The following NEB variants were observed in gnomAD, a reference collection of about 807,000 sequenced individuals.
The protein encoded by NEB is nemaline myopathy type 2.
Under a neutral mutation model 952.2 loss-of-function variants are expected in NEB, and 512 were observed. The observed-to-expected ratio is 0.54, with a 90% CI of 0.50 to 0.58. The LOEUF is 0.58. Ranked by LOEUF, NEB falls within the 20% of genes least tolerant of loss-of-function variation. The pLI is 0.00. For missense variants in NEB, 8,428 were observed against 9,231.1 expected (o/e 0.91, Z 3.56); for synonymous variants, 2,900 against 3,149.8 (o/e 0.92, Z 2.66).
At chr2:151,487,421 A>G (rs2051688405) in intron 181 of NEB, among the ~76,000 whole-genome samples, 1 of 152,204 alleles carries the variant, frequency 6.6e-6, no homozygotes, top group South Asian at 2.1e-4. Context: ...CATATATTCA[A>G]ATTCACAAAT....
At chr2:151,721,256 T>G (rs1164568235) in intron 9 of NEB, among the ~76,000 whole-genome samples, 1 of 152,246 alleles carries the variant, frequency 6.6e-6, no homozygotes. Context: ...GATTCTATTT[T>G]TATCATGCTG....
intron 20 of NEB, 46 bp from the exon 21 acceptor site, chr2:151,692,408 T>C: frequency 7.2e-7 from 1 of 1,388,756 alleles, no homozygotes; most frequent in South Asian, 1.2e-5. Context: ...GAAATATATA[T>C]CTCATAAAGT....
intron 40 of NEB, among the ~76,000 whole-genome samples, chr2:151,667,486 C>A (rs1444982413): frequency 6.6e-6 from 1 of 151,922 alleles, no homozygotes; most frequent in African/African-American, 2.4e-5. Flanking sequence ...ATTATAATTT[C>A]TTTACTTGCT....
intron 4 of NEB, among the ~76,000 whole-genome samples, chr2:151,729,168 A>T (rs1199541546): frequency 6.6e-6 from 1 of 152,140 alleles, no homozygotes; most frequent in East Asian, 1.9e-4. Context: ...ATCATCAGGG[A>T]CGAAGCCCTG....
intron 9 of NEB, 128 bp from the exon 10 acceptor site, chr2:151,717,648 G>T: frequency 1.4e-6 from 1 of 697,844 alleles, no homozygotes; most frequent in Non-Finnish European, 2.5e-6. Context: ...TCTCAGTACT[G>T]CTAGTGATTT....
At position 151,729,679 on chromosome 2, in the gene NEB, T is replaced by C. The variant is rs77846253; in HGVS notation, c.37-23A>G. 4,548 of 1,612,942 alleles carry C rather than the reference T, an allele frequency of 2.8e-3. 98 individuals carry two copies. The East Asian group carries it at 0.056, about 20-fold the overall frequency. ...GTACTGTAAATAGAGCACAAAGGCA[T>C]TGGCAAGAGAACCAAAGCAGAAACC... is the stretch of plus-strand genomic sequence containing the variant. On this transcript the variant is annotated intron_variant, in intron 3 of 181. Coordinates refer to ENST00000397345, the MANE Select transcript of NEB (RefSeq NM_001164508.2).
At chr2:151,657,142 A>G (rs2099094120) in intron 48 of NEB, among the ~76,000 whole-genome samples, 1 of 152,132 alleles carries the variant, frequency 6.6e-6, no homozygotes, top group South Asian at 2.1e-4. Context: ...TTGGGGGTAG[A>G]AGCTAGTAGA....
intron 9 of NEB, among the ~76,000 whole-genome samples, chr2:151,722,542 A>ATTGT (rs896257440): frequency 3.9e-5 from 6 of 152,046 alleles, no homozygotes; most frequent in African/African-American, 9.6e-5. Flanking sequence ...TGGTGTGGTC[A>ATTGT]TTGTTTGTTT....
chr2:151,696,854 A>G, intron 16 of NEB, 119 bp from the exon 17 acceptor site: 2 of 731,200 alleles, frequency 2.7e-6, no homozygotes, highest in South Asian at 3.9e-5. Context: ...AGTTAATAAA[A>G]TATATTTTTT....
At position 151,609,982 on chromosome 2, in the gene NEB, T is replaced by C. The variant is rs981387691; in HGVS notation, c.12157A>G (p.Lys4053Glu). 1 of 1,613,992 alleles carries C rather than the reference T, an allele frequency of 6.2e-7. No homozygotes were observed. The highest frequency in any genetic ancestry group is 1.1e-5 in the South Asian group (1 of 91,088). ...GGGCTAGAGAACTTGGTTTTCCACT[T>C]TTGGAATTCCTTCTTGTACTCCCTT... The part of the protein sequence containing the change: ...SEREYKKEFQ[K>E]WKTKFSSPVD... Residue 4053 changes from lysine to glutamate, a missense_variant, in exon 81 of 182, where the codon AAG becomes GAG. By Grantham distance (56) the Lys-to-Glu change is moderately conservative. This residue lies in a region of NEB where 337 missense variants were observed against 297.5 expected (regional missense o/e 1.13). Coordinates refer to ENST00000397345, the MANE Select transcript of NEB (RefSeq NM_001164508.2).
In NEB at chr2:151,562,630, G is replaced by A; in HGVS notation, c.18872C>T (p.Ala6291Val). The change falls in exon 120 of 182, where the codon GCC becomes GTC. Residue 6291 changes from alanine (A) to valine (V), a missense_variant. Transcript: ENST00000397345. ...TCATACATCACTCAAGATCTCCTGGGCGTTTCGGACGCGTATAACATTGGG... is the reference window on the plus strand; with the variant it reads ...TCATACATCACTCAAGATCTCCTGGACGTTTCGGACGCGTATAACATTGGG... ...EEPNVIRVRNAQEILSDNVYK... is the reference protein window; with the variant it reads ...EEPNVIRVRNVQEILSDNVYK... The A allele has an allele frequency of 1.3e-6, 2 of 1,579,022 alleles. No homozygotes were observed. The highest frequency in any genetic ancestry group is 1.7e-6 in the Non-Finnish European group (2 of 1,154,170).
chr2:151,721,773 T>C (rs1484220754), intron 9 of NEB, among the ~76,000 whole-genome samples: 2 of 152,200 alleles, frequency 1.3e-5, no homozygotes, highest in Admixed American at 1.3e-4. Flanking sequence ...AACAATATTG[T>C]GAATCTGTGA....
chr2:151,684,413 A>G (rs1233194260), intron 28 of NEB, among the ~76,000 whole-genome samples: 3 of 152,198 alleles, frequency 2.0e-5, no homozygotes, highest in Non-Finnish European at 2.9e-5. Context: ...GATGATTATG[A>G]TAATAGCGAT....
Position 151,591,341 on chromosome 2 carries a change from C to A in NEB, c.14934+7G>T. ...GTTTGTTCCGGTTGGGAAGGAGGAGCTCTTACATCACTGGCAATATCCCTG... is the reference window on the plus strand; with the variant it reads ...GTTTGTTCCGGTTGGGAAGGAGGAGATCTTACATCACTGGCAATATCCCTG... On this transcript the variant is annotated splice_region_variant and intron_variant, in intron 96 of 181. Coordinates refer to ENST00000397345, the MANE Select transcript of NEB (RefSeq NM_001164508.2). The A allele has an allele frequency of 6.5e-7, 1 of 1,550,110 alleles. No homozygotes were observed. Among genetic ancestry groups the A allele is most frequent in the Non-Finnish European group, 8.7e-7 (1 of 1,147,036 alleles).
intron 133 of NEB, 114 bp from the exon 134 acceptor site, chr2:151,546,557 C>CTTTTTTTT: frequency 2.8e-6 from 1 of 352,028 alleles, no homozygotes; most frequent in East Asian, 5.6e-5. Context: ...GGTTCATCTA[C>CTTTTTTTT]TTTTTTTTTT....
intron 9 of NEB, among the ~76,000 whole-genome samples, chr2:151,720,624 C>CCTT (rs1160632267): frequency 6.6e-6 from 1 of 152,146 alleles, no homozygotes; most frequent in Non-Finnish European, 1.5e-5. Flanking sequence ...TGAAGGTAAT[C>CCTT]CTTCATCTCT....
rs146310692 is a variant in NEB at position 151,662,137 on chromosome 2, C to T, written c.5968G>A (p.Glu1990Lys). Residue 1990 changes from glutamate (E) to lysine (K), a missense_variant and splice_region_variant, in exon 46 of 182, where the codon GAA (glutamate) becomes AAA (lysine). Physicochemically the swap from Glu to Lys is moderately conservative, Grantham distance 56. Coordinates refer to ENST00000397345, the MANE Select transcript of NEB (RefSeq NM_001164508.2). The stretch of plus-strand genomic sequence containing the variant: ...CACTGCATTATTGAAAGACTTACTT[C>T]GTTCATAATTTTTGCATTATTCTGG... ...LAQNNAKIMN[E>K]HLYKQAWEAD... is the part of the protein sequence containing the mutation. The T allele has an allele frequency of 5.6e-4, 905 of 1,609,152 alleles. 4 individuals are homozygous for T. The African/African-American group carries it at 0.01, about 18-fold the overall frequency.
intron 13 of NEB, among the ~76,000 whole-genome samples, chr2:151,704,617 G>T (rs1308576640): frequency 4.6e-5 from 7 of 152,142 alleles, no homozygotes; most frequent in Admixed American, 4.6e-4. Context: ...GGAGTGACCC[G>T]ATTTTCCAGG....
intron 111 of NEB, 78 bp from the exon 112 acceptor site, chr2:151,568,495 A>T (rs960259298): frequency 1.4e-6 from 2 of 1,470,778 alleles, no homozygotes; most frequent in African/African-American, 2.8e-5. Context: ...AATTGTTAGC[A>T]TCCATCATTT....
Sources: allele counts gnomAD v4.1 joint callset (sites outside exome capture counted in the v4.1 genomes callset), GRCh38; gene constraint gnomAD v4.1.1; regional missense constraint gnomAD v4.1.1; transcripts MANE v1.5; gene names NCBI Gene and HGNC (gene_info 2026-07-23, HGNC 2026-07-21).